Variants in CSMD3 observed in about 807,000 individuals in gnomAD.
CSMD3 encodes CUB and sushi domain-containing protein 3.
In CSMD3, 177 loss-of-function variants were observed where a neutral mutation model predicts 435.2. The ratio of observed to expected loss-of-function variants is 0.41; its 90% confidence interval spans 0.36 to 0.46. The LOEUF is 0.46. Ranked by LOEUF, CSMD3 falls within the 20% of genes least tolerant of loss-of-function variation. The pLI is 0.34. For missense variants in CSMD3, 4,265 were observed against 4,504.6 expected (o/e 0.95, Z 1.52); for synonymous variants, 1,656 against 1,520.5 (o/e 1.09, Z -2.07).
chr8:112,623,596 T>C (rs753404653), intron 22 of CSMD3, among the ~76,000 whole-genome samples: 1 of 151,464 alleles, frequency 6.6e-6, no homozygotes, highest in Non-Finnish European at 1.5e-5. Flanking sequence ...ACATGTGCCA[T>C]GCTGGTGTGC....
At chr8:113,048,126 T>C (rs1564252353) in intron 5 of CSMD3, among the ~76,000 whole-genome samples, 2 of 146,926 alleles carry the variant, frequency 1.4e-5, no homozygotes, top group Admixed American at 1.4e-4. Flanking sequence ...CGAGTCTCGC[T>C]CTGTCGCCCA....
At chr8:113,022,644 C>A (rs1441374533) in intron 5 of CSMD3, among the ~76,000 whole-genome samples, 2 of 151,504 alleles carry the variant, frequency 1.3e-5, no homozygotes, top group Non-Finnish European at 3.0e-5. Flanking sequence ...ATGTCTTAAA[C>A]CACTAAAGGG....
intron 12 of CSMD3, among the ~76,000 whole-genome samples, chr8:112,827,206 T>TATATATATATATATAA (rs1564000450): frequency 5.3e-5 from 7 of 132,760 alleles, no homozygotes; most frequent in African/African-American, 1.7e-4. Flanking sequence ...TATATATATA[T>TATATATATATATATAA]AATCTTTCTA....
rs148968393 is a variant in CSMD3 at position 112,817,580 on chromosome 8, G to T, written c.1859+12106C>A. 9.9e-5 allele frequency among the ~76,000 whole-genome samples: 15 copies of T among 152,040 alleles called. No individual in the cohort carries two copies. The East Asian group carries it at 2.9e-3, about 29-fold the overall frequency. On this transcript the variant is annotated intron_variant, in intron 12 of 70. Transcript: ENST00000297405. ...TTTGTCACTAGACGACTCTGAAGTT[G>T]CCAGGAATAAATGCTATTTCAAACT...
At chr8:112,473,155 T>A (rs1212911903) in intron 31 of CSMD3, among the ~76,000 whole-genome samples, 1 of 152,202 alleles carries the variant, frequency 6.6e-6, no homozygotes, top group African/African-American at 2.4e-5. Flanking sequence ...CATCTAAGTA[T>A]TCTATTTTCT....
intron 3 of CSMD3, among the ~76,000 whole-genome samples, chr8:113,239,246 A>G (rs1345178174): frequency 1.3e-5 from 2 of 151,994 alleles, no homozygotes; most frequent in African/African-American, 4.8e-5. Context: ...CTTGCCACCA[A>G]CAGGTTGTGG....
At chr8:113,274,349 T>C (rs980055479) in intron 3 of CSMD3, among the ~76,000 whole-genome samples, 2 of 152,240 alleles carry the variant, frequency 1.3e-5, no homozygotes, top group African/African-American at 2.4e-5. Flanking sequence ...AGAGACTGTA[T>C]AACTCATTCT....
At chr8:113,436,486 A>G (rs964418264) in intron 1 of CSMD3, among the ~76,000 whole-genome samples, 191 bp downstream of exon 1, 1 of 152,230 alleles carries the variant, frequency 6.6e-6, no homozygotes, top group Non-Finnish European at 1.5e-5. Context: ...CAATCACCGC[A>G]TTGAACGCCA....
At chr8:113,118,078 G>A (rs2090888882) in intron 4 of CSMD3, among the ~76,000 whole-genome samples, 1 of 152,074 alleles carries the variant, frequency 6.6e-6, no homozygotes, top group Non-Finnish European at 1.5e-5. Flanking sequence ...ATTACATGAT[G>A]TCATTCAAAT....
intron 1 of CSMD3, among the ~76,000 whole-genome samples, chr8:113,424,419 A>G (rs1198746278): frequency 6.6e-6 from 1 of 151,708 alleles, no homozygotes; most frequent in Admixed American, 6.6e-5. Flanking sequence ...AAAAATTACT[A>G]AATCTGTTAT....
intron 13 of CSMD3, among the ~76,000 whole-genome samples, chr8:112,742,122 C>G (rs2077326416): frequency 6.6e-6 from 1 of 151,496 alleles, no homozygotes; most frequent in African/African-American, 2.4e-5. Context: ...TCCACCCCCT[C>G]CGCACTCATC....
chr8:113,431,924 G>T (rs1032623992), intron 1 of CSMD3, among the ~76,000 whole-genome samples: 12 of 152,068 alleles, frequency 7.9e-5, no homozygotes, highest in African/African-American at 2.4e-4. Context: ...AATTAATTCA[G>T]CTACCCTACA....
chr8:113,408,739 C>T (rs1754092298), intron 1 of CSMD3, among the ~76,000 whole-genome samples: 1 of 151,322 alleles, frequency 6.6e-6, no homozygotes, highest in Non-Finnish European at 1.5e-5. Flanking sequence ...CTCACTGCAA[C>T]CTCTCCCTCC....
chr8:112,530,142 A>C (rs1825379515), intron 27 of CSMD3, among the ~76,000 whole-genome samples: 1 of 152,166 alleles, frequency 6.6e-6, no homozygotes. Flanking sequence ...TAATGAAAAA[A>C]GTGAAGAAAC....
chr8:113,055,185 C>CT (rs2131341781), intron 5 of CSMD3, among the ~76,000 whole-genome samples: 1 of 152,298 alleles, frequency 6.6e-6, no homozygotes, highest in East Asian at 1.9e-4. Context: ...AAGTCTCACT[C>CT]TGTCGCCCAG....
intron 22 of CSMD3, among the ~76,000 whole-genome samples, chr8:112,606,553 C>G (rs917626705): frequency 1.3e-5 from 2 of 152,114 alleles, no homozygotes; most frequent in African/African-American, 4.8e-5. Flanking sequence ...ATAAACCTAA[C>G]AGATAGAGCA....
At chr8:112,522,800 T>C (rs1824437594) in intron 27 of CSMD3, among the ~76,000 whole-genome samples, 1 of 151,964 alleles carries the variant, frequency 6.6e-6, no homozygotes, top group Non-Finnish European at 1.5e-5. Context: ...GTTCTCATTA[T>C]TGCTACTGTC....
chr8:112,851,183 G>T (rs866361422), intron 11 of CSMD3, among the ~76,000 whole-genome samples: 1 of 152,086 alleles, frequency 6.6e-6, no homozygotes, highest in Non-Finnish European at 1.5e-5. Flanking sequence ...GCATACCACT[G>T]TATGAGATCT....
At chr8:112,914,958 A>T (rs1270769427) in intron 10 of CSMD3, among the ~76,000 whole-genome samples, 2 of 151,890 alleles carry the variant, frequency 1.3e-5, no homozygotes, top group East Asian at 1.9e-4. Context: ...ATGTGATCAG[A>T]ATTAGTGGAA....
Sources: allele counts gnomAD v4.1 joint callset (sites outside exome capture counted in the v4.1 genomes callset), GRCh38; gene constraint gnomAD v4.1.1; transcripts MANE v1.5; gene names NCBI Gene and HGNC (gene_info 2026-07-23, HGNC 2026-07-21).